The following METTL14 variants were observed in gnomAD, a reference collection of about 807,000 sequenced individuals.
METTL14 encodes the protein N(6)-adenosine-methyltransferase non-catalytic subunit METTL14.
Under a neutral mutation model 62.4 loss-of-function variants are expected in METTL14, and 32 were observed. The observed-to-expected ratio is 0.51, with a 90% CI of 0.39 to 0.69. METTL14 has a LOEUF of 0.69. Among genes scored for constraint, METTL14 ranks in the 30% least tolerant of loss-of-function variants. The pLI is 0.00. For missense variants in METTL14, 340 were observed against 551.9 expected (o/e 0.62, Z 3.85); for synonymous variants, 150 against 180.0 (o/e 0.83, Z 1.34).
rs1725012622 is a variant in METTL14 at position 118,715,039 on chromosome 4, G to T, written c.*4737G>T. 1 of 152,224 alleles carries T rather than the reference G, an allele frequency of 6.6e-6. No homozygotes were observed. The highest frequency in any genetic ancestry group is 2.1e-4 in the South Asian group (1 of 4,836). 9.4% of individuals were successfully genotyped at this position (152,224 alleles called of 1,614,324 possible). A position where few individuals can be genotyped will look rare whatever the true frequency, so the allele number is the denominator to read the frequency against. On this transcript the variant is annotated 3_prime_UTR_variant, in exon 11 of 11. Coordinates refer to ENST00000388822, the MANE Select transcript of METTL14 (RefSeq NM_020961.4). The stretch of plus-strand genomic sequence containing the variant: ...TTGGCTTACTTTGGAACACACAGTA[G>T]ACTGAAAATGTGAACTAATACTTTA...
chr4:118,687,921 A>T lies in METTL14; in HGVS notation c.67-2A>T. On this transcript the variant is annotated splice_acceptor_variant, in intron 1 of 10. Coordinates refer to ENST00000388822, the MANE Select transcript of METTL14 (RefSeq NM_020961.4). LOFTEE classifies it high-confidence loss of function. ...CTAATTTCTGATTTTGTCTTTTCTC[A>T]GTTGGGAGCTGAAAGTGCCGACAGC... 6.2e-7 allele frequency: 1 copy of T among 1,613,004 alleles called. No individual in the cohort carries two copies. Among genetic ancestry groups the T allele is most frequent in the Non-Finnish European group, 8.5e-7 (1 of 1,179,584 alleles).
chr4:118,709,905 T>G, intron 10 of METTL14, 93 bp from the exon 11 acceptor site: 2 of 1,220,516 alleles, frequency 1.6e-6, no homozygotes, highest in Non-Finnish European at 2.3e-6. Context: ...GGGGACATCT[T>G]TAAGAATGCA....
Position 118,685,429 on chromosome 4 carries a change from C to T in METTL14, c.-106C>T, listed in dbSNP as rs770200154. 6.1e-6 allele frequency: 7 copies of T among 1,144,444 alleles called. No individual in the cohort carries two copies. Among genetic ancestry groups the T allele is most frequent in the Admixed American group, 1.8e-5 (1 of 56,320 alleles). 70.9% of individuals were successfully genotyped at this position (1,144,444 alleles called of 1,614,324 possible). A position where few individuals can be genotyped will look rare whatever the true frequency, so the allele number is the denominator to read the frequency against. ...AGGAAAGCTATGAGGATACTCTGTT[C>T]GTAAGCTCCCGGTGAATTTTGTTCC... On this transcript the variant is annotated 5_prime_UTR_variant, in exon 1 of 11. Transcript: ENST00000388822.
At chr4:118,688,044 T>C in intron 2 of METTL14, 33 bp downstream of exon 2, 1 of 1,423,132 alleles carries the variant, frequency 7.0e-7, no homozygotes, top group Non-Finnish European at 9.8e-7. Context: ...TTTTTTTTTT[T>C]GAGACAGGGT....
chr4:118,703,869 GTTA>G, intron 8 of METTL14, 63 bp from the exon 9 acceptor site: 1 of 898,844 alleles, frequency 1.1e-6, no homozygotes, highest in Non-Finnish European at 1.7e-6. Flanking sequence ...AATGCTGGTT[GTTA>G]TTGTTAAGTA....
At chr4:118,703,131 A>AT (rs1474205774) in intron 8 of METTL14, among the ~76,000 whole-genome samples, 1 of 151,830 alleles carries the variant, frequency 6.6e-6, no homozygotes, top group Non-Finnish European at 1.5e-5. Flanking sequence ...TGCCTCTACT[A>AT]TATCTTGATA....
At chr4:118,701,183 G>GTTTTTTTTT (rs373953605) in intron 8 of METTL14, among the ~76,000 whole-genome samples, 1 of 132,250 alleles carries the variant, frequency 7.6e-6, no homozygotes, top group Non-Finnish European at 1.7e-5. Flanking sequence ...GTTTTTTTTT[G>GTTTTTTTTT]TTTTTTTTTG....
rs1434803689 is a variant in METTL14, at chr4:118,710,226, C to G, written c.1295C>G (p.Ser432Cys). The G allele has an allele frequency of 6.2e-7, 1 of 1,614,176 alleles. No individual in the cohort carries two copies. ...GGCCGTGGACGAGAAAGAAATAGAT[C>G]TAACTTCCGAGGAGAAAGAGGTGGC... The part of the protein sequence containing the change: ...SAGRGRERNR[S>C]NFRGERGGFR... Residue 432 changes from serine (S) to cysteine (C), a missense_variant, in exon 11 of 11, where the codon TCT becomes TGT. Transcript: ENST00000388822.
chr4:118,699,655 G>A (rs1054553531), intron 7 of METTL14, among the ~76,000 whole-genome samples: 4 of 152,044 alleles, frequency 2.6e-5, no homozygotes, highest in African/African-American at 9.7e-5. Flanking sequence ...TAGCCAATCC[G>A]TGAGGTTTCA....
At chr4:118,688,505 TG>T (rs1724146897) in intron 2 of METTL14, among the ~76,000 whole-genome samples, 1 of 151,620 alleles carries the variant, frequency 6.6e-6, no homozygotes, top group African/African-American at 2.4e-5. Flanking sequence ...AGGTATGCAG[TG>T]TATTAAGAAA....
rs183753825 is a variant in METTL14, at chr4:118,686,744, T to A, written c.66+1144T>A. ...CTACCACAGAAGACGTTTTACTCCT[T>A]AATATTGAATTCAAACTTCTATTTG... On this transcript the variant is annotated intron_variant, in intron 1 of 10. Coordinates refer to ENST00000388822, the MANE Select transcript of METTL14 (RefSeq NM_020961.4). 2.3e-3 allele frequency: 970 copies of A among 423,130 alleles called. 9 individuals carry two copies. Among genetic ancestry groups the A allele is most frequent in the African/African-American group, 0.018 (876 of 48,508 alleles). The allele number at this position is 423,130 out of a possible 1,614,324, so 26.2% of individuals were successfully genotyped here.
At position 118,704,052 on chromosome 4, in the gene METTL14, G is replaced by GT; in HGVS notation, c.855+2dup. On this transcript the variant is annotated splice_donor_variant, in intron 9 of 10. Coordinates refer to ENST00000388822, the MANE Select transcript of METTL14 (RefSeq NM_020961.4). LOFTEE classifies it high-confidence loss of function. ...AAAGGCTGTCTTTCAGAGAACAAAG[G>GT]TATTGCCTTTACTGATTTGTTTTTT... 6.5e-7 allele frequency: 1 copy of GT among 1,530,792 alleles called. No homozygotes were observed. Among genetic ancestry groups the GT allele is most frequent in the Admixed American group, 2.0e-5 (1 of 50,034 alleles). The allele number at this position is 1,530,792 out of a possible 1,614,324, so 94.8% of individuals were successfully genotyped here.
intron 7 of METTL14, among the ~76,000 whole-genome samples, chr4:118,698,249 T>TA (rs1724477375): frequency 1.3e-5 from 2 of 151,710 alleles, no homozygotes; most frequent in Non-Finnish European, 2.9e-5. Context: ...GGTCAGGAGT[T>TA]AGAGACCAGC....
intron 10 of METTL14, among the ~76,000 whole-genome samples, chr4:118,707,436 G>A (rs1163254954): frequency 2.0e-5 from 3 of 151,986 alleles, no homozygotes; most frequent in Non-Finnish European, 4.4e-5. Context: ...GGCCAGGGTG[G>A]GCAGATCACT....
At chr4:118,704,185 T>C in intron 9 of METTL14, 134 bp downstream of exon 9, 2 of 598,628 alleles carry the variant, frequency 3.3e-6, no homozygotes, top group Non-Finnish European at 5.8e-6. Flanking sequence ...CATTGAGCAT[T>C]ACAGGAATAC....
chr4:118,703,864 TG>T, intron 8 of METTL14, 70 bp from the exon 9 acceptor site: 1 of 857,688 alleles, frequency 1.2e-6, no homozygotes, highest in South Asian at 1.9e-5. Context: ...TTTTTAATGC[TG>T]GTTGTTATTG....
rs1724885633 is a variant in METTL14 at position 118,710,433 on chromosome 4, T to A, written c.*131T>A. The A allele has an allele frequency of 2.3e-6, 2 of 888,544 alleles. No homozygotes were observed. Among genetic ancestry groups the A allele is most frequent in the Non-Finnish European group, 3.4e-6 (2 of 594,848 alleles). The allele number at this position is 888,544 out of a possible 1,614,324, so 55.0% of individuals were successfully genotyped here. ...CTTTAATTTCTCTGAGCTGCAAGAA[T>A]GTCTTAGCGAGCCTTGCTTGCAGTT... is the stretch of plus-strand genomic sequence containing the variant. On this transcript the variant is annotated 3_prime_UTR_variant, in exon 11 of 11. Coordinates refer to ENST00000388822, the MANE Select transcript of METTL14 (RefSeq NM_020961.4).
At chr4:118,709,489 T>A (rs1724856897) in intron 10 of METTL14, among the ~76,000 whole-genome samples, 2 of 149,736 alleles carry the variant, frequency 1.3e-5, no homozygotes, top group Non-Finnish European at 1.5e-5. Flanking sequence ...TAAAAAAAAA[T>A]AAAGGCTTAA....
intron 6 of METTL14, among the ~76,000 whole-genome samples, chr4:118,696,420 T>C (rs1363730868): frequency 6.6e-6 from 1 of 151,860 alleles, no homozygotes; most frequent in Admixed American, 6.6e-5. Flanking sequence ...AAATACACCT[T>C]TAATGAGATG....
Sources: allele counts gnomAD v4.1 joint callset (sites outside exome capture counted in the v4.1 genomes callset), GRCh38; gene constraint gnomAD v4.1.1; transcripts MANE v1.5; gene names NCBI Gene and HGNC (gene_info 2026-07-23, HGNC 2026-07-21).